GABBR2: variants seen among roughly 807,000 people sequenced by gnomAD.
GABBR2 encodes the protein gamma-aminobutyric acid type B receptor subunit 2, also known as G-protein coupled receptor 51.
A neutral mutation model predicts 105.6 loss-of-function variants in GABBR2; 23 were observed. That is an observed-to-expected ratio of 0.22 (90% CI 0.16 to 0.31). GABBR2 has a LOEUF of 0.31. Ranked by LOEUF, GABBR2 falls within the 10% of genes least tolerant of loss-of-function variation. The pLI, the probability that GABBR2 is intolerant of heterozygous loss-of-function variation, is 1.00. For synonymous variants in GABBR2, 478 were observed against 499.7 expected (o/e 0.96, Z 0.58); for missense variants, 734 against 1,245.5 (o/e 0.59, Z 6.18).
At chr9:98,430,111 CCT>C (rs1341978273) in intron 7 of GABBR2, among the ~76,000 whole-genome samples, 1 of 151,916 alleles carries the variant, frequency 6.6e-6, no homozygotes, top group East Asian at 1.9e-4. Context: ...ATGGTGAAAC[CCT>C]GTCTCTACTA....
chr9:98,609,938 C>G (rs1244990561), intron 1 of GABBR2, among the ~76,000 whole-genome samples: 1 of 152,204 alleles, frequency 6.6e-6, no homozygotes, highest in Admixed American at 6.5e-5. Context: ...GCCAAAAGGG[C>G]AGAGGGGCCA....
chr9:98,542,459 A>G (rs774118263), intron 2 of GABBR2, among the ~76,000 whole-genome samples: 3 of 152,240 alleles, frequency 2.0e-5, no homozygotes, highest in Admixed American at 1.3e-4. Flanking sequence ...ATTCCAGCAT[A>G]TGAATATACC....
At chr9:98,577,804 C>T in intron 2 of GABBR2, 131 bp downstream of exon 2, 1 of 827,264 alleles carries the variant, frequency 1.2e-6, no homozygotes, top group Non-Finnish European at 1.9e-6. Flanking sequence ...GCTGTGCTAT[C>T]ACCCAGGAGA....
chr9:98,424,330 C>T (rs1409477226), intron 7 of GABBR2, among the ~76,000 whole-genome samples: 4 of 151,786 alleles, frequency 2.6e-5, no homozygotes, highest in Admixed American at 2.6e-4. Flanking sequence ...TGGGACGTAT[C>T]TCAAAATAAT....
chr9:98,480,139 G>A (rs1826885604), intron 5 of GABBR2, among the ~76,000 whole-genome samples: 2 of 152,256 alleles, frequency 1.3e-5, no homozygotes, highest in Admixed American at 1.3e-4. Context: ...AGTCTAAAAG[G>A]TGAAGCTTAT....
chr9:98,671,848 C>T (rs567254531), intron 1 of GABBR2, among the ~76,000 whole-genome samples: 3 of 152,160 alleles, frequency 2.0e-5, no homozygotes, highest in South Asian at 2.1e-4. Context: ...AAGAGGCCAC[C>T]GCTGTTGTCT....
At chr9:98,619,768 C>A (rs529437286) in intron 1 of GABBR2, among the ~76,000 whole-genome samples, 4 of 152,066 alleles carry the variant, frequency 2.6e-5, no homozygotes, top group African/African-American at 9.7e-5. Context: ...TTTCACTGAG[C>A]CTTTAGGGTT....
At chr9:98,396,416 G>T (rs1004510960) in intron 8 of GABBR2, among the ~76,000 whole-genome samples, 1 of 152,204 alleles carries the variant, frequency 6.6e-6, no homozygotes, top group Non-Finnish European at 1.5e-5. Flanking sequence ...TCAGAAAACA[G>T]AACAGGGAAT....
chr9:98,587,310 G>A (rs76816666), intron 1 of GABBR2, among the ~76,000 whole-genome samples: 1,679 of 152,244 alleles, frequency 0.011, 28 homozygotes, highest in African/African-American at 0.039. Context: ...CCCGCATTCT[G>A]AGTATTGACT....
chr9:98,338,412 T>C (rs1831152609), intron 13 of GABBR2, among the ~76,000 whole-genome samples: 1 of 152,136 alleles, frequency 6.6e-6, no homozygotes, highest in Admixed American at 6.5e-5. Context: ...TAAAGAACTC[T>C]TACAACTCCA....
Position 98,578,037 on chromosome 9 carries a change from A to G in GABBR2, c.357T>C (p.Asp119=). The G allele has an allele frequency of 1.2e-6, 2 of 1,614,012 alleles. No homozygotes were observed. Among genetic ancestry groups the G allele is most frequent in the Non-Finnish European group, 1.7e-6 (2 of 1,179,908 alleles). ...DNAKGLKAFY[D]AIKYGPNHLM... ...AGTGGTTAGGCCCGTATTTTATTGC[A>G]TCGTAGAAGGCTTTCAACCCTTTTG... Residue 119 remains aspartate, a synonymous_variant, in exon 2 of 19, where the codon GAT becomes GAC. Coordinates refer to ENST00000259455, the MANE Select transcript of GABBR2 (RefSeq NM_005458.8).
In GABBR2 at chr9:98,292,306, CAG is replaced by C. The variant is rs1830314434; in HGVS notation, c.2660+1477_2660+1478del. On this transcript the variant is annotated intron_variant, in intron 18 of 18. Coordinates refer to ENST00000259455, the MANE Select transcript of GABBR2 (RefSeq NM_005458.8). Reference sequence around the variant, plus strand: ...CCATTATAAAGAAGAGGGAAGAGTACAGAGTTCAGGTAACTTCCCCATGGAAA... The same window carrying C: ...CCATTATAAAGAAGAGGGAAGAGTACAGTTCAGGTAACTTCCCCATGGAAA... Among the ~76,000 whole-genome samples the C allele has an allele frequency of 5.9e-5, 9 of 152,292 alleles. No homozygotes were observed. The South Asian group carries it at 1.9e-3, about 32-fold the overall frequency.
At chr9:98,649,385 G>A (rs1048659189) in intron 1 of GABBR2, among the ~76,000 whole-genome samples, 4 of 152,088 alleles carry the variant, frequency 2.6e-5, no homozygotes, top group Admixed American at 6.5e-5. Context: ...ACCCAGTTTC[G>A]CCCCTTACGG....
chr9:98,316,220 C>G (rs758351817), intron 13 of GABBR2, among the ~76,000 whole-genome samples: 3 of 151,876 alleles, frequency 2.0e-5, no homozygotes, highest in Non-Finnish European at 4.4e-5. Flanking sequence ...GGCGCAATCT[C>G]AGCTCACTGC....
chr9:98,686,512 C>T (rs1830622739), intron 1 of GABBR2, among the ~76,000 whole-genome samples: 1 of 152,148 alleles, frequency 6.6e-6, no homozygotes, highest in Non-Finnish European at 1.5e-5. Context: ...TCTCCTGCCT[C>T]AGCCTCTCGA....
intron 1 of GABBR2, among the ~76,000 whole-genome samples, chr9:98,679,011 A>C (rs574433096): frequency 3.3e-5 from 5 of 152,308 alleles, no homozygotes; most frequent in African/African-American, 1.2e-4. Flanking sequence ...CTGATTTTGA[A>C]CAAAGCCCTC....
chr9:98,635,018 G>T (rs1268069262), intron 1 of GABBR2, among the ~76,000 whole-genome samples: 5 of 152,114 alleles, frequency 3.3e-5, no homozygotes, highest in Non-Finnish European at 7.3e-5. Context: ...CTGAGAGCTG[G>T]CCTGCTTTCA....
At chr9:98,298,040 T>TAAA in intron 17 of GABBR2, among the ~76,000 whole-genome samples, 1 of 79,202 alleles carries the variant, frequency 1.3e-5, no homozygotes, top group African/African-American at 8.1e-5. Flanking sequence ...AGACTCCATC[T>TAAA]TAAAAAAAAA....
chr9:98,694,727 C>T (rs1830726803), intron 1 of GABBR2, among the ~76,000 whole-genome samples: 1 of 152,192 alleles, frequency 6.6e-6, no homozygotes, highest in Non-Finnish European at 1.5e-5. Flanking sequence ...TCACATTAAT[C>T]TTATTTCTCT....
Sources: allele counts gnomAD v4.1 joint callset (sites outside exome capture counted in the v4.1 genomes callset), GRCh38; gene constraint gnomAD v4.1.1; transcripts MANE v1.5; gene names NCBI Gene and HGNC (gene_info 2026-07-23, HGNC 2026-07-21).